Variants in SAMD15 observed in about 807,000 individuals in gnomAD.
The protein encoded by SAMD15 is sterile alpha motif domain-containing protein 15.
In SAMD15, 37 loss-of-function variants were observed where a neutral mutation model predicts 50.5. That is an observed-to-expected ratio of 0.73 (90% confidence interval 0.56 to 0.96). The LOEUF (loss-of-function observed/expected upper bound fraction) is 0.96, where lower values mean the gene tolerates loss of function less well. Among genes scored for constraint, SAMD15 ranks in the 40% least tolerant of loss-of-function variants. The pLI, the probability that SAMD15 is intolerant of heterozygous loss-of-function variation, is 0.00. For synonymous variants in SAMD15, 255 were observed against 282.8 expected (o/e 0.90, Z 0.99); for missense variants, 789 against 783.8 (o/e 1.01, Z -0.08).
In SAMD15 at chr14:77,377,901, A is replaced by G; in HGVS notation, c.483A>G (p.Pro161=). ...CAGCTATGGAAACAGATCCAGATCC[A>G]GTGCCACCAACGGAAACCATGTCTG... ...LESAMETDPD[P]VPPTETMSEV... The change falls in exon 1 of 3, where the codon CCA becomes CCG. Residue 161 remains proline, a synonymous_variant. Transcript: ENST00000216471. The G allele has an allele frequency of 6.2e-7, 1 of 1,614,154 alleles. No homozygotes were observed. Among genetic ancestry groups the G allele is most frequent in the Non-Finnish European group, 8.5e-7 (1 of 1,180,012 alleles).
chr14:77,388,176 C>T lies in SAMD15; in HGVS notation c.1789-2832C>T, dbSNP rs1649657186. Among the ~76,000 whole-genome samples the T allele has an allele frequency of 2.6e-5, 4 of 152,290 alleles. No individual in the cohort carries two copies. The South Asian group carries it at 6.2e-4, about 24-fold the overall frequency. ...CTTTTTGTTAATAATGTGTATATGA[C>T]TGCAGTGTACCTCCTGGGAATACAA... is the stretch of plus-strand genomic sequence containing the variant. On this transcript the variant is annotated intron_variant, in intron 2 of 2. Transcript: ENST00000216471.
In SAMD15 at chr14:77,378,064, T is replaced by A. The variant is rs747353777; in HGVS notation, c.646T>A (p.Phe216Ile). ...GCCTCCAGAGCAGACCAAACAAGAT[T>A]TTCCAAGTGAGAAACTAGGAGAATC... ...LEPPEQTKQDFPSEKLGESLE... is the reference protein window; with the variant it reads ...LEPPEQTKQDIPSEKLGESLE... Residue 216 changes from phenylalanine (F) to isoleucine (I), a missense_variant, in exon 1 of 3, where the codon TTT (phenylalanine) becomes ATT (isoleucine). Physicochemically the swap from Phe to Ile is conservative, Grantham distance 21 (BLOSUM62 0). Coordinates refer to ENST00000216471, the MANE Select transcript of SAMD15 (RefSeq NM_001010860.4). 3.1e-6 allele frequency: 5 copies of A among 1,613,144 alleles called. No individual in the cohort carries two copies. The highest frequency in any genetic ancestry group is 4.2e-6 in the Non-Finnish European group (5 of 1,179,840).
At chr14:77,389,591 C>T (rs1267024305) in intron 2 of SAMD15, among the ~76,000 whole-genome samples, 1 of 150,742 alleles carries the variant, frequency 6.6e-6, no homozygotes, top group Non-Finnish European at 1.5e-5. Context: ...GCCTCCGCCT[C>T]CCAGGTTCAA....
At chr14:77,385,979 C>G (rs1404651771) in intron 2 of SAMD15, among the ~76,000 whole-genome samples, 1 of 151,728 alleles carries the variant, frequency 6.6e-6, no homozygotes, top group Non-Finnish European at 1.5e-5. Context: ...TCCCGGGTAG[C>G]TGGGACTACA....
intron 2 of SAMD15, among the ~76,000 whole-genome samples, chr14:77,385,347 G>A (rs898590255): frequency 2.5e-4 from 37 of 150,682 alleles, no homozygotes; most frequent in South Asian, 4.2e-4. Flanking sequence ...GTGCAATGGC[G>A]CGATCTCGGC....
intron 2 of SAMD15, among the ~76,000 whole-genome samples, chr14:77,385,739 T>A (rs1893997564): frequency 6.6e-6 from 1 of 152,150 alleles, no homozygotes; most frequent in Non-Finnish European, 1.5e-5. Context: ...TTCTTAAAGT[T>A]ACAGGTCAGC....
chr14:77,383,339 G>A (rs1893967821), intron 2 of SAMD15, among the ~76,000 whole-genome samples: 1 of 152,256 alleles, frequency 6.6e-6, no homozygotes, highest in Middle Eastern at 3.4e-3. Flanking sequence ...ATCATGAGAA[G>A]GCATTTTTAA....
In SAMD15 at chr14:77,377,919, C is replaced by T; in HGVS notation, c.501C>T (p.Thr167=). 6.2e-7 allele frequency: 1 copy of T among 1,614,036 alleles called. No individual in the cohort carries two copies. The highest frequency in any genetic ancestry group is 8.5e-7 in the Non-Finnish European group (1 of 1,180,012). The change falls in exon 1 of 3, where the codon ACC becomes ACT. Residue 167 remains threonine, a synonymous_variant. Coordinates refer to ENST00000216471, the MANE Select transcript of SAMD15 (RefSeq NM_001010860.4). ...TDPDPVPPTE[T]MSEVSGATVR... is the part of the protein sequence containing the mutation. Reference sequence around the variant, plus strand: ...CAGATCCAGTGCCACCAACGGAAACCATGTCTGAGGTTTCGGGGGCCACAG... The same window carrying T: ...CAGATCCAGTGCCACCAACGGAAACTATGTCTGAGGTTTCGGGGGCCACAG...
At chr14:77,388,713 A>T (rs927550733) in intron 2 of SAMD15, among the ~76,000 whole-genome samples, 1 of 150,896 alleles carries the variant, frequency 6.6e-6, no homozygotes, top group Non-Finnish European at 1.5e-5. Context: ...GGTTCAAGCG[A>T]CTCTCCTGCC....
At chr14:77,388,608 T>TG (rs983790366) in intron 2 of SAMD15, among the ~76,000 whole-genome samples, 1 of 151,378 alleles carries the variant, frequency 6.6e-6, no homozygotes, top group Non-Finnish European at 1.5e-5. Flanking sequence ...AATTTGTTTT[T>TG]TTTGTTTGTT....
Position 77,388,807 on chromosome 14 carries a change from C to T in SAMD15, c.1789-2201C>T, listed in dbSNP as rs931981412. Among the ~76,000 whole-genome samples the T allele has an allele frequency of 1.4e-4, 21 of 152,186 alleles. No homozygotes were observed. The South Asian group carries it at 4.4e-3, about 32-fold the overall frequency. ...TAATTTTAGTAGAGACAGGATTTTG[C>T]CATGTTGGCCAGGTTGGTCTCGAAC... On this transcript the variant is annotated intron_variant, in intron 2 of 2. Transcript: ENST00000216471.
intron 2 of SAMD15, among the ~76,000 whole-genome samples, chr14:77,383,997 A>C (rs1397936228): frequency 3.3e-5 from 5 of 151,038 alleles, no homozygotes; most frequent in Non-Finnish European, 5.9e-5. Flanking sequence ...AAAAAAAAAA[A>C]AAAAAACCTG....
intron 2 of SAMD15, among the ~76,000 whole-genome samples, chr14:77,381,082 A>T (rs753789079): frequency 6.6e-6 from 1 of 151,976 alleles, no homozygotes; most frequent in African/African-American, 2.4e-5. Context: ...ATCCTTCAAG[A>T]CCAGTTCCTC....
In SAMD15 at chr14:77,377,422, G is replaced by A. The variant is rs962803075; in HGVS notation, c.4G>A (p.Ala2Thr). 2.5e-6 allele frequency: 4 copies of A among 1,603,218 alleles called. No homozygotes were observed. The highest frequency in any genetic ancestry group is 3.4e-6 in the Non-Finnish European group (4 of 1,174,770). M[A>T]EVPEDYDSGP... ...CGGCGCGTCTGCTAAGCTGCAAATG[G>A]CTGAAGTCCCGGAGGATTATGATTC... Residue 2 changes from alanine (A) to threonine (T), a missense_variant, in exon 1 of 3, where the codon GCT (alanine) becomes ACT (threonine). By Grantham distance (58) the Ala-to-Thr change is moderately conservative. This residue lies in a region of SAMD15 where 770 missense variants were observed against 745.4 expected (regional missense o/e 1.03). Transcript: ENST00000216471.
intron 2 of SAMD15, 101 bp downstream of exon 2, chr14:77,380,582 C>T: frequency 1.4e-6 from 1 of 719,126 alleles, no homozygotes; most frequent in Non-Finnish European, 2.5e-6. Context: ...CCACTTCTGT[C>T]AATGGTGTCA....
Position 77,380,493 on chromosome 14 carries a change from C to T in SAMD15, c.1788+12C>T. The T allele has an allele frequency of 6.4e-7, 1 of 1,572,886 alleles. No individual in the cohort carries two copies. The highest frequency in any genetic ancestry group is 8.8e-7 in the Non-Finnish European group (1 of 1,142,560). On this transcript the variant is annotated intron_variant, in intron 2 of 2. Coordinates refer to ENST00000216471, the MANE Select transcript of SAMD15 (RefSeq NM_001010860.4). ...TTGAGGACATGAAGGTGAGTTGTGT[C>T]CAAAGTTTCCCTACAGAGCACTGTT...
Position 77,378,014 on chromosome 14 carries a change from T to C in SAMD15, c.596T>C (p.Val199Ala), listed in dbSNP as rs1206674499. The change falls in exon 1 of 3, where the codon GTG becomes GCG. Residue 199 changes from valine (V) to alanine (A), a missense_variant. By Grantham distance (64) the Val-to-Ala change is moderately conservative (BLOSUM62 0). This residue lies in a region of SAMD15 where 770 missense variants were observed against 745.4 expected (regional missense o/e 1.03). Transcript: ENST00000216471. The part of the protein sequence containing the change: ...EPGVPEESLR[V>A]QHEETGLEPP... ...GGGGTTCCAGAGGAATCACTTAGAG[T>C]GCAACATGAAGAGACAGGTCTAGAG... 2.5e-6 allele frequency: 4 copies of C among 1,613,408 alleles called. No homozygotes were observed. The East Asian group carries it at 8.9e-5, about 36-fold the overall frequency.
chr14:77,388,124 C>T (rs1446410482), intron 2 of SAMD15, among the ~76,000 whole-genome samples: 5 of 151,990 alleles, frequency 3.3e-5, no homozygotes, highest in Non-Finnish European at 5.9e-5. Context: ...GTAGTGAACC[C>T]TCTCAGCCCA....
At chr14:77,384,187 TATC>T (rs1159608414) in intron 2 of SAMD15, among the ~76,000 whole-genome samples, 2 of 152,122 alleles carry the variant, frequency 1.3e-5, no homozygotes, top group Non-Finnish European at 2.9e-5. Flanking sequence ...GAGTCTCCCA[TATC>T]ATCATTTATG....
Sources: gnomAD v4.1 joint callset for allele counts (sites outside exome capture counted in the v4.1 genomes callset) on GRCh38, gnomAD v4.1.1 for gene constraint, gnomAD v4.1.1 regional missense constraint, MANE v1.5 for transcripts, NCBI Gene and HGNC (gene_info 2026-07-23, HGNC 2026-07-21) for gene names.